RBFOX1: variants seen among roughly 807,000 people sequenced by gnomAD.
The protein encoded by RBFOX1 is RNA binding fox-1 homolog 1, also known as RNA binding protein fox-1 homolog 1.
A neutral mutation model predicts 57.7 loss-of-function variants in RBFOX1; 8 were observed. The observed-to-expected ratio is 0.14, with a 90% CI of 0.08 to 0.25. The LOEUF (loss-of-function observed/expected upper bound fraction) is 0.25. RBFOX1 is among the 10% of genes least tolerant of loss of function. The pLI is 1.00. For missense variants in RBFOX1, 611 were observed against 548.5 expected (o/e 1.11, Z -1.14); for synonymous variants, 326 against 222.4 (o/e 1.47, Z -4.15).
At chr16:7,379,749 C>T (rs1264933982) in intron 4 of RBFOX1, among the ~76,000 whole-genome samples, 1 of 151,410 alleles carries the variant, frequency 6.6e-6, no homozygotes, top group East Asian at 1.9e-4. Flanking sequence ...TGCCTGCTTG[C>T]CTGCCTGCCT....
Position 7,041,644 on chromosome 16 carries a change from T to A in RBFOX1, c.-15-10413T>A, listed in dbSNP as rs148711400. 6.8e-3 allele frequency among the ~76,000 whole-genome samples: 1,040 copies of A among 152,230 alleles called. 13 individuals carry two copies. The highest frequency in any genetic ancestry group is 0.024 in the African/African-American group (985 of 41,534). On this transcript the variant is annotated intron_variant, in intron 3 of 15. Coordinates refer to ENST00000550418, the MANE Select transcript of RBFOX1 (RefSeq NM_018723.4). ...ACAGTCAGTACCAATTTACCACCCTTCTTAAAAAGATAATATCAAACCTTT... is the reference window on the plus strand; with the variant it reads ...ACAGTCAGTACCAATTTACCACCCTACTTAAAAAGATAATATCAAACCTTT...
intron 1 of RBFOX1, among the ~76,000 whole-genome samples, chr16:5,242,672 G>C (rs12933024): frequency 0.31 from 46,134 of 148,228 alleles, 5,549 homozygotes; most frequent in Admixed American, 0.33. Flanking sequence ...TGGTAAAAAT[G>C]TCAAAACCAT....
At chr16:7,086,005 G>C (rs2059930570) in intron 4 of RBFOX1, among the ~76,000 whole-genome samples, 1 of 152,082 alleles carries the variant, frequency 6.6e-6, no homozygotes, top group African/African-American at 2.4e-5. Flanking sequence ...GTTGAGGGCT[G>C]TGTTGTTATT....
chr16:5,292,549 C>T (rs1257455257), intron 1 of RBFOX1, among the ~76,000 whole-genome samples: 6 of 152,312 alleles, frequency 3.9e-5, no homozygotes, highest in African/African-American at 9.6e-5. Flanking sequence ...AATAGGCACT[C>T]ATGCACCGTC....
At chr16:6,877,677 A>T (rs182819603) in intron 3 of RBFOX1, among the ~76,000 whole-genome samples, 46 of 152,318 alleles carry the variant, frequency 3.0e-4, no homozygotes, top group African/African-American at 1.1e-3. Context: ...CAGAGCAAGG[A>T]TTGCTATTCT....
chr16:6,423,453 A>G (rs802310), intron 2 of RBFOX1, among the ~76,000 whole-genome samples: 57,331 of 151,684 alleles, frequency 0.38, 14,626 homozygotes, highest in African/African-American at 0.71. Flanking sequence ...ACAAAAATTA[A>G]CCAGGTTTGA....
intron 4 of RBFOX1, among the ~76,000 whole-genome samples, chr16:7,291,983 A>G (rs1395100090): frequency 3.0e-5 from 2 of 67,368 alleles, no homozygotes; most frequent in African/African-American, 1.4e-4. Context: ...TATATAATAT[A>G]GAATATATGA....
intron 3 of RBFOX1, among the ~76,000 whole-genome samples, chr16:5,697,667 A>T (rs1567411284): frequency 6.7e-6 from 1 of 149,014 alleles, no homozygotes; most frequent in Admixed American, 6.8e-5. Flanking sequence ...CCAAGTAGCT[A>T]GGACTACAGG....
intron 4 of RBFOX1, among the ~76,000 whole-genome samples, chr16:7,240,847 G>A (rs1332177504): frequency 6.6e-6 from 1 of 152,206 alleles, no homozygotes; most frequent in Non-Finnish European, 1.5e-5. Context: ...TAGGATTACA[G>A]GCGTGAGCCG....
intron 4 of RBFOX1, among the ~76,000 whole-genome samples, chr16:5,991,645 G>GTTTCTTTTTTTTTTTTTTTT (rs1567229409): frequency 2.4e-5 from 3 of 123,934 alleles, no homozygotes; most frequent in African/African-American, 3.0e-5. Flanking sequence ...TTATTAGATA[G>GTTTCTTTTTTTTTTTTTTTT]TTTTTTTTTT....
chr16:6,911,726 T>C (rs2071657826), intron 3 of RBFOX1, among the ~76,000 whole-genome samples: 1 of 152,210 alleles, frequency 6.6e-6, no homozygotes. Context: ...ACACTTTTAT[T>C]TGTATTGTGT....
At chr16:5,258,955 GCA>G (rs1051423927) in intron 1 of RBFOX1, among the ~76,000 whole-genome samples, 1 of 151,724 alleles carries the variant, frequency 6.6e-6, no homozygotes, top group African/African-American at 2.4e-5. Context: ...TATAATAAAA[GCA>G]CACTCCATTT....
intron 3 of RBFOX1, among the ~76,000 whole-genome samples, chr16:6,914,123 A>C (rs573516144): frequency 6.6e-6 from 1 of 152,196 alleles, no homozygotes. Context: ...ATACCTCTGC[A>C]TGCTGCTGTG....
intron 1 of RBFOX1, among the ~76,000 whole-genome samples, chr16:6,308,387 C>T (rs1215221352): frequency 6.6e-6 from 1 of 152,186 alleles, no homozygotes; most frequent in Non-Finnish European, 1.5e-5. Context: ...TTTGCTTCGC[C>T]TTTGTGGCAT....
At chr16:5,636,076 G>A (rs2048673946) in intron 3 of RBFOX1, among the ~76,000 whole-genome samples, 1 of 152,090 alleles carries the variant, frequency 6.6e-6, no homozygotes, top group Admixed American at 6.5e-5. Flanking sequence ...AGGCTGGCAT[G>A]GTGGCTCATG....
chr16:6,551,508 A>G (rs1380564742), intron 2 of RBFOX1, among the ~76,000 whole-genome samples: 2 of 152,200 alleles, frequency 1.3e-5, no homozygotes, highest in East Asian at 1.9e-4. Flanking sequence ...ACTTGTAGCT[A>G]TTGGCTCATG....
intron 4 of RBFOX1, among the ~76,000 whole-genome samples, chr16:7,404,877 C>T (rs1343422020): frequency 6.6e-6 from 1 of 152,102 alleles, no homozygotes; most frequent in Admixed American, 6.6e-5. Flanking sequence ...GGGTGCCGTT[C>T]AGGATGGCGT....
At chr16:7,690,543 C>T (rs1289666113) in intron 14 of RBFOX1, among the ~76,000 whole-genome samples, 1 of 152,092 alleles carries the variant, frequency 6.6e-6, no homozygotes, top group East Asian at 1.9e-4. Flanking sequence ...AGTTTAAATT[C>T]ACGGGTCTGT....
intron 1 of RBFOX1, among the ~76,000 whole-genome samples, chr16:6,051,631 T>A (rs189193878): frequency 7.0e-4 from 107 of 152,314 alleles, no homozygotes; most frequent in Admixed American, 2.0e-3. Context: ...TGGCACAATC[T>A]TGGCTCATGG....
Sources: gnomAD v4.1 joint callset for allele counts (sites outside exome capture counted in the v4.1 genomes callset) on GRCh38, gnomAD v4.1.1 for gene constraint, MANE v1.5 for transcripts, NCBI Gene and HGNC (gene_info 2026-07-23, HGNC 2026-07-21) for gene names.